Variants in STARD13 observed in about 807,000 individuals in gnomAD.
STARD13 encodes the protein StAR related lipid transfer domain containing 13.
In STARD13, 62 loss-of-function variants were observed where a neutral mutation model predicts 106.4. The ratio of observed to expected loss-of-function variants is 0.58; its 90% CI spans 0.48 to 0.72. The LOEUF (loss-of-function observed/expected upper bound fraction) is 0.72, where lower values mean the gene tolerates loss of function less well. Ranked by LOEUF, STARD13 falls within the 30% of genes least tolerant of loss-of-function variation. The pLI is 0.00. For missense variants in STARD13, 1,387 were observed against 1,424.0 expected, an observed-to-expected ratio of 0.97 and a Z score of 0.42; for synonymous variants, 565 against 553.0, an observed-to-expected ratio of 1.02 and a Z score of -0.31.
the STARD13 span, among the ~76,000 whole-genome samples, chr13:33,507,496 T>G: frequency 6.6e-6 from 1 of 152,154 alleles, no homozygotes; most frequent in East Asian, 1.9e-4. Flanking sequence ...TTGGGGTCCT[T>G]AATACATTTT....
chr13:33,510,045 A>C, the STARD13 span, among the ~76,000 whole-genome samples: 1 of 152,174 alleles, frequency 6.6e-6, no homozygotes, highest in Non-Finnish European at 1.5e-5. Flanking sequence ...ATTGTGATGG[A>C]CTTGAGATCA....
At chr13:33,341,569 C>T (rs112317327) in intron 1 of STARD13, among the ~76,000 whole-genome samples, 4,322 of 142,046 alleles carry the variant, frequency 0.03, 212 homozygotes, top group African/African-American at 0.1. Flanking sequence ...CCAGCCTGGG[C>T]GACAGAGCGA....
At chr13:33,290,054 T>C (rs530369896), upstream of STARD13, among the ~76,000 whole-genome samples, 1 of 152,176 alleles carries the variant, frequency 6.6e-6, no homozygotes, top group East Asian at 1.9e-4. Context: ...CTTTTGGTAT[T>C]TGGAATTTTC....
chr13:33,405,536 C>T, the STARD13 span, among the ~76,000 whole-genome samples: 1 of 152,250 alleles, frequency 6.6e-6, no homozygotes, highest in African/African-American at 2.4e-5. Flanking sequence ...GTTTCCACTT[C>T]AGGGAACTTA....
At chr13:33,651,217 T>C in the STARD13 span, among the ~76,000 whole-genome samples, 16 of 152,244 alleles carry the variant, frequency 1.1e-4, no homozygotes, top group Non-Finnish European at 2.4e-4. Flanking sequence ...TAAAAAATCA[T>C]GATTTTTAAA....
chr13:33,578,626 T>A, the STARD13 span, among the ~76,000 whole-genome samples: 2 of 151,916 alleles, frequency 1.3e-5, no homozygotes, highest in African/African-American at 2.4e-5. Flanking sequence ...AAAATCAAAT[T>A]CAATGAAAGC....
the STARD13 span, among the ~76,000 whole-genome samples, chr13:33,540,299 C>T: frequency 6.6e-6 from 1 of 152,202 alleles, no homozygotes; most frequent in African/African-American, 2.4e-5. Context: ...CTTTCACCTT[C>T]CACTTAAAGG....
chr13:33,256,780 G>A (rs1427025077), intron 1 of STARD13, among the ~76,000 whole-genome samples: 2 of 152,202 alleles, frequency 1.3e-5, no homozygotes, highest in Non-Finnish European at 2.9e-5. Flanking sequence ...AACCCCATCT[G>A]TAGGTGATGA....
the STARD13 span, among the ~76,000 whole-genome samples, chr13:33,652,480 T>C: frequency 1.3e-5 from 2 of 152,214 alleles, no homozygotes; most frequent in African/African-American, 4.8e-5. Flanking sequence ...TCTGTAATTT[T>C]TCCCCATACA....
At chr13:33,258,189 C>G (rs371256713) in intron 1 of STARD13, among the ~76,000 whole-genome samples, 3 of 152,184 alleles carry the variant, frequency 2.0e-5, no homozygotes, top group Non-Finnish European at 4.4e-5. Flanking sequence ...CTGGCTTGAT[C>G]GTCAATGATT....
At chr13:33,154,265 C>T (rs1881677297) in intron 3 of STARD13, among the ~76,000 whole-genome samples, 1 of 152,150 alleles carries the variant, frequency 6.6e-6, no homozygotes, top group Admixed American at 6.5e-5. Context: ...GGGAAGGCCA[C>T]ACCTCTGTTC....
At chr13:33,469,881 T>A in the STARD13 span, among the ~76,000 whole-genome samples, 1 of 151,906 alleles carries the variant, frequency 6.6e-6, no homozygotes, top group African/African-American at 2.4e-5. Flanking sequence ...GCTGTACAGC[T>A]TTTTTGTTTG....
chr13:33,378,286 A>T, the STARD13 span, among the ~76,000 whole-genome samples: 1 of 152,262 alleles, frequency 6.6e-6, no homozygotes, highest in South Asian at 2.1e-4. Flanking sequence ...ACTGTGCCAC[A>T]CAGGGAGCTG....
chr13:33,108,790 G>A (rs1477188692), intron 12 of STARD13, among the ~76,000 whole-genome samples: 1 of 152,234 alleles, frequency 6.6e-6, no homozygotes, highest in Non-Finnish European at 1.5e-5. Flanking sequence ...TCCTATGGCA[G>A]CCATCCTGCA....
chr13:33,241,813 A>G (rs904454597), intron 1 of STARD13, among the ~76,000 whole-genome samples: 5 of 152,140 alleles, frequency 3.3e-5, no homozygotes, highest in African/African-American at 1.2e-4. Context: ...AGGTGCCGGG[A>G]TGGCAGACGG....
the STARD13 span, among the ~76,000 whole-genome samples, chr13:33,360,228 G>A: frequency 1.4e-4 from 21 of 151,034 alleles, no homozygotes; most frequent in Non-Finnish European, 2.5e-4. Context: ...CTTCTGAGAC[G>A]GAGTCTCACT....
chr13:33,601,511 G>A, the STARD13 span, among the ~76,000 whole-genome samples: 1 of 152,144 alleles, frequency 6.6e-6, no homozygotes, highest in African/African-American at 2.4e-5. Context: ...TTCAAGCAGA[G>A]CAATTCTACT....
the STARD13 span, among the ~76,000 whole-genome samples, chr13:33,547,079 A>AT: frequency 6.6e-6 from 1 of 152,338 alleles, no homozygotes; most frequent in South Asian, 2.1e-4. Flanking sequence ...GCTTTTAAGT[A>AT]TTCACAAAAT....
chr13:33,654,084 T>C, the STARD13 span, among the ~76,000 whole-genome samples: 4 of 152,192 alleles, frequency 2.6e-5, no homozygotes, highest in South Asian at 8.3e-4. Flanking sequence ...CTAGTGAGAA[T>C]GTAAAATGGT....
Sources: allele counts gnomAD v4.1 joint callset (sites outside exome capture counted in the v4.1 genomes callset), GRCh38; gene constraint gnomAD v4.1.1; transcripts MANE v1.5; gene names NCBI Gene and HGNC (gene_info 2026-07-23, HGNC 2026-07-21).